The following PIK3C3 variants were observed in gnomAD, a reference collection of about 807,000 sequenced individuals.
The protein encoded by PIK3C3 is phosphatidylinositol 3-kinase catalytic subunit type 3, also known as PI3-kinase type 3.
In PIK3C3, 95 loss-of-function variants were observed where a neutral mutation model predicts 126.1. The ratio of observed to expected loss-of-function variants is 0.75; its 90% CI spans 0.64 to 0.89. PIK3C3 has a LOEUF of 0.89. Among genes scored for constraint, PIK3C3 ranks in the 40% least tolerant of loss-of-function variants. PIK3C3 has a pLI of 0.00. For synonymous variants in PIK3C3, 374 were observed against 360.0 expected, an observed-to-expected ratio of 1.04 and a Z score of -0.44; for missense variants, 829 against 1,063.2, an observed-to-expected ratio of 0.78 and a Z score of 3.06.
At chr18:42,010,816 A>G (rs1241957007) in intron 10 of PIK3C3, among the ~76,000 whole-genome samples, 10 of 152,188 alleles carry the variant, frequency 6.6e-5, no homozygotes, top group Admixed American at 4.6e-4. Flanking sequence ...GCCCAGATCC[A>G]TTACAGGAAT....
At chr18:42,074,457 C>A (rs1985897962) in intron 24 of PIK3C3, among the ~76,000 whole-genome samples, 2 of 152,002 alleles carry the variant, frequency 1.3e-5, no homozygotes, top group Non-Finnish European at 2.9e-5. Context: ...TGAGAATGTA[C>A]TCTCCTTTAA....
Position 42,084,240 on chromosome 18 carries a change from C to A in PIK3C3, c.*3103C>A, listed in dbSNP as rs1986344515. 6.6e-6 allele frequency: 1 copy of A among 151,992 alleles called. No individual in the cohort carries two copies. Among genetic ancestry groups the A allele is most frequent in the Non-Finnish European group, 1.5e-5 (1 of 68,004 alleles). 9.4% of individuals were successfully genotyped at this position (151,992 alleles called of 1,614,324 possible). A position where few individuals can be genotyped will look rare whatever the true frequency, so the allele number is the denominator to read the frequency against. ...AACATTGCGATTTAAAACAATAAACCAGATTGAGATTCTAAGGAGCATTTT... is the reference window on the plus strand; with the variant it reads ...AACATTGCGATTTAAAACAATAAACAAGATTGAGATTCTAAGGAGCATTTT... On this transcript the variant is annotated 3_prime_UTR_variant, in exon 25 of 25. Coordinates refer to ENST00000262039, the MANE Select transcript of PIK3C3 (RefSeq NM_002647.4).
intron 12 of PIK3C3, among the ~76,000 whole-genome samples, chr18:42,016,614 G>T (rs986285793): frequency 1.3e-5 from 2 of 152,162 alleles, no homozygotes; most frequent in Non-Finnish European, 2.9e-5. Flanking sequence ...AAGCAGGTGA[G>T]AGAACAACCA....
intron 17 of PIK3C3, among the ~76,000 whole-genome samples, chr18:42,038,451 C>T (rs536681128): frequency 6.6e-6 from 1 of 152,102 alleles, no homozygotes; most frequent in South Asian, 2.1e-4. Context: ...AAGCAATTCT[C>T]CTGCCTCAGC....
intron 12 of PIK3C3, among the ~76,000 whole-genome samples, chr18:42,018,187 A>T (rs1036004608): frequency 6.6e-6 from 1 of 151,990 alleles, no homozygotes; most frequent in African/African-American, 2.4e-5. Context: ...GACCTACAAT[A>T]TGTGATCTTT....
intron 3 of PIK3C3, among the ~76,000 whole-genome samples, chr18:41,966,977 G>A (rs1980401611): frequency 6.6e-6 from 1 of 152,120 alleles, no homozygotes; most frequent in Non-Finnish European, 1.5e-5. Context: ...CCCCTGTACT[G>A]GCGCTTGTAC....
chr18:41,966,979 C>T (rs538229604), intron 3 of PIK3C3, among the ~76,000 whole-genome samples: 18 of 152,260 alleles, frequency 1.2e-4, no homozygotes, highest in African/African-American at 3.9e-4. Context: ...CCTGTACTGG[C>T]GCTTGTACTG....
At chr18:42,028,004 A>G (rs1227337718) in intron 14 of PIK3C3, among the ~76,000 whole-genome samples, 1 of 152,216 alleles carries the variant, frequency 6.6e-6, no homozygotes, top group Non-Finnish European at 1.5e-5. Flanking sequence ...AATTTGTGAT[A>G]CATGAAAATT....
At chr18:42,029,209 C>T in intron 14 of PIK3C3, 116 bp from the exon 15 acceptor site, 4 of 659,218 alleles carry the variant, frequency 6.1e-6, no homozygotes, top group South Asian at 3.5e-5. Flanking sequence ...TTCAGTTTTG[C>T]TTTCTATTTA....
rs1458543156 is a variant in PIK3C3, at chr18:42,084,301, C to T, written c.*3164C>T. The T allele has an allele frequency of 2.0e-5, 3 of 152,096 alleles. No homozygotes were observed. In the East Asian group the frequency reaches 5.8e-4, roughly 29 times the overall value. 9.4% of individuals were successfully genotyped at this position (152,096 alleles called of 1,614,324 possible). A position where few individuals can be genotyped will look rare whatever the true frequency, so the allele number is the denominator to read the frequency against. On this transcript the variant is annotated 3_prime_UTR_variant, in exon 25 of 25. Coordinates refer to ENST00000262039, the MANE Select transcript of PIK3C3 (RefSeq NM_002647.4). ...ACTAATGTTTATTTTAGAGAGATCA[C>T]ACAACTTCAAATAAAAACTGACATA...
intron 12 of PIK3C3, among the ~76,000 whole-genome samples, chr18:42,019,360 C>T (rs979162902): frequency 1.3e-5 from 2 of 152,076 alleles, no homozygotes; most frequent in African/African-American, 4.8e-5. Context: ...TCTTTTCTTC[C>T]TTCTTTCCAG....
intron 3 of PIK3C3, among the ~76,000 whole-genome samples, chr18:41,969,834 G>A (rs1228990789): frequency 2.0e-5 from 3 of 152,190 alleles, no homozygotes; most frequent in Non-Finnish European, 2.9e-5. Flanking sequence ...GTACAGAGAG[G>A]TTAAGTAGTT....
At chr18:42,046,409 G>C (rs1984560724) in intron 20 of PIK3C3, among the ~76,000 whole-genome samples, 1 of 151,978 alleles carries the variant, frequency 6.6e-6, no homozygotes, top group African/African-American at 2.4e-5. Flanking sequence ...GCTAAATGTG[G>C]GAATACTGTT....
chr18:42,045,942 A>G (rs1257895004), intron 20 of PIK3C3, among the ~76,000 whole-genome samples: 1 of 152,196 alleles, frequency 6.6e-6, no homozygotes, highest in Non-Finnish European at 1.5e-5. Context: ...AGTATTGACT[A>G]CAATTTGAAA....
chr18:41,985,631 A>G (rs1302446748), intron 4 of PIK3C3, among the ~76,000 whole-genome samples: 3 of 152,114 alleles, frequency 2.0e-5, no homozygotes, highest in Non-Finnish European at 2.9e-5. Flanking sequence ...TTTTGTGTCT[A>G]ATTTTTCTGT....
intron 21 of PIK3C3, chr18:42,051,195 G>C (rs556303118): frequency 3.9e-5 from 6 of 152,364 alleles, no homozygotes; most frequent in Admixed American, 3.3e-4. Context: ...AGTTCCATGA[G>C]AGCAGGAACC....
intron 4 of PIK3C3, among the ~76,000 whole-genome samples, chr18:41,984,063 T>C (rs1005196851): frequency 6.6e-6 from 1 of 152,048 alleles, no homozygotes; most frequent in Non-Finnish European, 1.5e-5. Context: ...ATTTTTTTTT[T>C]TCCTGTTTCT....
intron 15 of PIK3C3, among the ~76,000 whole-genome samples, chr18:42,032,099 C>A (rs1300852071): frequency 6.6e-6 from 1 of 152,186 alleles, no homozygotes; most frequent in Non-Finnish European, 1.5e-5. Context: ...TAAGGCCTCA[C>A]TGAGAAATTG....
intron 24 of PIK3C3, among the ~76,000 whole-genome samples, chr18:42,076,133 T>TGTATGCAC (rs1555643382): frequency 4.4e-5 from 4 of 91,850 alleles, no homozygotes; most frequent in African/African-American, 2.5e-4. Context: ...CGCATATATA[T>TGTATGCAC]ATATATATAT....
Sources: gnomAD v4.1 joint callset for allele counts (sites outside exome capture counted in the v4.1 genomes callset) on GRCh38, gnomAD v4.1.1 for gene constraint, MANE v1.5 for transcripts, NCBI Gene and HGNC (gene_info 2026-07-23, HGNC 2026-07-21) for gene names.